The following C3orf49 variants were observed in gnomAD, a reference collection of about 807,000 sequenced individuals.
The protein encoded by C3orf49 is chromosome 3 open reading frame 49.
In C3orf49, 27 loss-of-function variants were observed where a neutral mutation model predicts 13.3. The ratio of observed to expected loss-of-function variants is 2.02; its 90% CI spans 1.49 to 2.79. The LOEUF (loss-of-function observed/expected upper bound fraction) is 2.79. C3orf49 is among the 30% of genes most tolerant of loss of function. C3orf49 has a pLI of 0.00. For missense variants in C3orf49, 242 were observed against 134.2 expected (o/e 1.80, Z -3.97); for synonymous variants, 87 against 47.6 (o/e 1.83, Z -3.40).
At chr3:63,834,531 G>A (rs2107113640) in intron 5 of C3orf49, among the ~76,000 whole-genome samples, 1 of 151,954 alleles carries the variant, frequency 6.6e-6, no homozygotes, top group South Asian at 2.1e-4. Context: ...GTGGTGGCAT[G>A]CACCTGTAAT....
At chr3:63,837,046 TG>T (rs947851531) in intron 5 of C3orf49, among the ~76,000 whole-genome samples, 2 of 151,210 alleles carry the variant, frequency 1.3e-5, no homozygotes, top group South Asian at 2.1e-4. Flanking sequence ...CATTTTAAAC[TG>T]AAAAAAAAAA....
intron 5 of C3orf49, chr3:63,838,428 AC>A: frequency 6.2e-7 from 1 of 1,604,112 alleles, no homozygotes; most frequent in East Asian, 2.2e-5. Flanking sequence ...CATATCATAT[AC>A]TAGTAAAGTT....
the C3orf49 span, among the ~76,000 whole-genome samples, chr3:63,800,694 T>C: frequency 1.3e-5 from 2 of 152,190 alleles, no homozygotes; most frequent in Non-Finnish European, 2.9e-5. Flanking sequence ...AATACGTTAA[T>C]ATTGCCTAAT....
chr3:63,804,420 C>T, the C3orf49 span, among the ~76,000 whole-genome samples: 4 of 152,172 alleles, frequency 2.6e-5, no homozygotes, highest in African/African-American at 9.7e-5. Context: ...CACGTGCTTT[C>T]TCTTTGGCTC....
At chr3:63,807,246 C>A in the C3orf49 span, among the ~76,000 whole-genome samples, 1 of 152,112 alleles carries the variant, frequency 6.6e-6, no homozygotes, top group South Asian at 2.1e-4. Flanking sequence ...CCACTGCACC[C>A]GGGCCCTCAT....
the C3orf49 span, among the ~76,000 whole-genome samples, chr3:63,790,669 T>A: frequency 9.3e-5 from 14 of 150,654 alleles, no homozygotes; most frequent in African/African-American, 3.4e-4. Context: ...TGGATCTGAG[T>A]AGATCAGTAT....
chr3:63,828,205 T>C (rs1267344353), intron 3 of C3orf49, among the ~76,000 whole-genome samples: 1 of 152,222 alleles, frequency 6.6e-6, no homozygotes, highest in East Asian at 1.9e-4. Flanking sequence ...AAAATGTAAA[T>C]AGCCATATGT....
At chr3:63,834,122 A>G in intron 5 of C3orf49, 1 of 1,613,888 alleles carries the variant, frequency 6.2e-7, no homozygotes, top group Non-Finnish European at 8.5e-7. Flanking sequence ...GTGGTGGGCA[A>G]TTAGCCTGTC....
At chr3:63,832,753 A>G (rs1045573969) in intron 5 of C3orf49, 7 of 152,224 alleles carry the variant, frequency 4.6e-5, no homozygotes, top group African/African-American at 1.7e-4. Context: ...TGGAAAATAA[A>G]AACGATTGTC....
At chr3:63,791,942 G>A in the C3orf49 span, among the ~76,000 whole-genome samples, 2 of 152,118 alleles carry the variant, frequency 1.3e-5, no homozygotes, top group Non-Finnish European at 2.9e-5. Context: ...TGCGTGAAAA[G>A]ACTTAAATTC....
the C3orf49 span, among the ~76,000 whole-genome samples, chr3:63,807,905 T>C: frequency 1.2e-5 from 1 of 85,736 alleles, no homozygotes; most frequent in South Asian, 3.8e-4. Context: ...GAGAAATAAA[T>C]AAATAAATAA....
At position 63,831,201 on chromosome 3, in the gene C3orf49, C is replaced by T; in HGVS notation, c.662C>T (p.Thr221Ile). The change falls in exon 4 of 7, where the codon ACA becomes ATA. Residue 221 changes from threonine to isoleucine, a missense_variant. Physicochemically the swap from Thr to Ile is moderately conservative, Grantham distance 89. Transcript: ENST00000295896. ...AACATCCTTCGAAAATCAGATTTGA[C>T]AGTAGGAAAGCTTCAAATGCAGGTA... ...MENILRKSDL[T>I]VGKLQMQVDD... 1 of 702,820 alleles carries T rather than the reference C, an allele frequency of 1.4e-6. No homozygotes were observed. Among genetic ancestry groups the T allele is most frequent in the South Asian group, 1.5e-5 (1 of 67,568 alleles). 43.5% of individuals were successfully genotyped at this position (702,820 alleles called of 1,614,324 possible). A position where few individuals can be genotyped will look rare whatever the true frequency, so the allele number is the denominator to read the frequency against.
chr3:63,806,842 C>T, the C3orf49 span, among the ~76,000 whole-genome samples: 2 of 152,190 alleles, frequency 1.3e-5, no homozygotes, highest in Admixed American at 6.5e-5. Flanking sequence ...CCCATCATGA[C>T]ATTTGACACA....
At chr3:63,824,170 T>C (rs1701437814) in intron 2 of C3orf49, among the ~76,000 whole-genome samples, 1 of 152,076 alleles carries the variant, frequency 6.6e-6, no homozygotes, top group Non-Finnish European at 1.5e-5. Context: ...CTAATCAGTT[T>C]AAAGTCACTT....
At chr3:63,841,556 T>A (rs542787557) in intron 5 of C3orf49, among the ~76,000 whole-genome samples, 19 of 152,310 alleles carry the variant, frequency 1.2e-4, no homozygotes, top group African/African-American at 4.6e-4. Context: ...GGCAGATGGC[T>A]CCAGTTTTAA....
chr3:63,830,349 G>C (rs1199677597), intron 3 of C3orf49, among the ~76,000 whole-genome samples: 1 of 152,206 alleles, frequency 6.6e-6, no homozygotes, highest in Non-Finnish European at 1.5e-5. Context: ...GATTCTGCAA[G>C]TGACATTTGA....
the C3orf49 span, among the ~76,000 whole-genome samples, chr3:63,809,693 T>A: frequency 2.5e-3 from 380 of 152,288 alleles, 2 homozygotes; most frequent in African/African-American, 8.9e-3. Flanking sequence ...GCCTGTCTGT[T>A]CTTTGCACAC....
the C3orf49 span, among the ~76,000 whole-genome samples, chr3:63,783,732 T>A: frequency 1.3e-5 from 2 of 148,746 alleles, no homozygotes; most frequent in African/African-American, 5.1e-5. Flanking sequence ...AAAAATTAAA[T>A]TAATTAATTC....
chr3:63,834,180 C>T (rs1320659405), intron 5 of C3orf49: 1 of 1,614,022 alleles, frequency 6.2e-7, no homozygotes, highest in East Asian at 2.2e-5. Context: ...CTTCTTCTAC[C>T]TCTGAGAGTT....
Sources: allele counts gnomAD v4.1 joint callset (sites outside exome capture counted in the v4.1 genomes callset), GRCh38; gene constraint gnomAD v4.1.1; transcripts MANE v1.5; gene names NCBI Gene and HGNC (gene_info 2026-07-23, HGNC 2026-07-21).